FNBP1: variants seen among roughly 807,000 people sequenced by gnomAD.
FNBP1 encodes the protein formin-binding protein 1.
In FNBP1, 26 loss-of-function variants were observed where a neutral mutation model predicts 90.6. That is an observed-to-expected ratio of 0.29 (90% CI 0.21 to 0.40). FNBP1 has a LOEUF of 0.40. FNBP1 is among the 10% of genes least tolerant of loss of function. The probability of loss-of-function intolerance (pLI) is 1.00; values close to 1 mark genes in which losing one functional copy is unlikely to be tolerated. For synonymous variants in FNBP1, 260 were observed against 265.2 expected, an observed-to-expected ratio of 0.98 and a Z score of 0.19; for missense variants, 635 against 768.0, an observed-to-expected ratio of 0.83 and a Z score of 2.05.
At position 130,042,799 on chromosome 9, in the gene FNBP1, G is replaced by A. The variant is rs2059958187; in HGVS notation, c.24+153C>T. ...CCTGCTCGGGCCAAGGCGGACGAGG[G>A]GCATTGGAACCCCGCCTCCTCCCCA... On this transcript the variant is annotated intron_variant, in intron 1 of 16. Transcript: ENST00000446176. This position sits in a 1 kb window ranked among gnomAD's most constrained non-coding sequence, Gnocchi z 5.5. Among the ~76,000 whole-genome samples the A allele has an allele frequency of 2.6e-5, 4 of 151,870 alleles. No individual in the cohort carries two copies. Among genetic ancestry groups the A allele is most frequent in the African/African-American group, 9.6e-5 (4 of 41,498 alleles).
chr9:129,950,407 C>A (rs1316348796), intron 6 of FNBP1, among the ~76,000 whole-genome samples: 3 of 152,162 alleles, frequency 2.0e-5, no homozygotes, highest in Non-Finnish European at 4.4e-5. Context: ...AGTACTAGAT[C>A]TTTGGAAATA....
chr9:130,015,148 C>T (rs958711761), intron 1 of FNBP1, among the ~76,000 whole-genome samples: 3 of 152,066 alleles, frequency 2.0e-5, no homozygotes, highest in Admixed American at 6.6e-5. Flanking sequence ...AAAACACATA[C>T]ACCCATCCAT....
chr9:129,907,657 A>T (rs1588444600), intron 12 of FNBP1, among the ~76,000 whole-genome samples: 1 of 150,834 alleles, frequency 6.6e-6, no homozygotes, highest in East Asian at 1.9e-4. Flanking sequence ...CAGCTGTTTT[A>T]ATGAATGCAC....
intron 4 of FNBP1, among the ~76,000 whole-genome samples, chr9:129,968,078 GC>G (rs1467826204): frequency 1.3e-5 from 2 of 151,630 alleles, no homozygotes; most frequent in Non-Finnish European, 2.9e-5. Flanking sequence ...TGAACAGAAT[GC>G]CACTTTTACA....
rs2052606803 is a variant in FNBP1, at chr9:129,988,333, A to AGG, written c.140+6509_140+6510insCC. Among the ~76,000 whole-genome samples, 13 of 152,256 alleles carry AGG rather than the reference A, an allele frequency of 8.5e-5. 1 individual carries two copies. Among genetic ancestry groups the AGG allele is most frequent in the African/African-American group, 2.9e-4 (12 of 41,550 alleles). Reference sequence around the variant, plus strand: ...GGAATTTCAACCTATACTACCTTGAATAGATAGTGACCTCAGGGGTTGGCA... The same window carrying AGG: ...GGAATTTCAACCTATACTACCTTGAAGGTAGATAGTGACCTCAGGGGTTGGCA... On this transcript the variant is annotated intron_variant, in intron 2 of 16. Coordinates refer to ENST00000446176, the MANE Select transcript of FNBP1 (RefSeq NM_015033.3).
intron 4 of FNBP1, among the ~76,000 whole-genome samples, chr9:129,962,493 C>T (rs2047981962): frequency 6.6e-6 from 1 of 152,160 alleles, no homozygotes; most frequent in African/African-American, 2.4e-5. Flanking sequence ...TTTTCCCGTA[C>T]CTCGTCAGAA....
intron 2 of FNBP1, among the ~76,000 whole-genome samples, chr9:129,986,595 T>C (rs2052299427): frequency 6.6e-6 from 1 of 151,932 alleles, no homozygotes; most frequent in Non-Finnish European, 1.5e-5. Flanking sequence ...ATCGAGACCA[T>C]CCTGGCCAAC....
At chr9:129,946,122 C>T (rs1032030469) in intron 6 of FNBP1, among the ~76,000 whole-genome samples, 16 of 152,018 alleles carry the variant, frequency 1.1e-4, no homozygotes, top group African/African-American at 2.2e-4. Flanking sequence ...TGAGCTGAGA[C>T]GGTGCCACTG....
In FNBP1 at chr9:129,900,229, T is replaced by C. The variant is rs2036645373; in HGVS notation, c.1551-128A>G. ...GCGAGTGCTGTAACTGAGGCCATGG[T>C]AAATCATCGCACGCTCAGATCACCC... On this transcript the variant is annotated intron_variant, in intron 14 of 16. Coordinates refer to ENST00000446176, the MANE Select transcript of FNBP1 (RefSeq NM_015033.3). This position sits in a 1 kb window ranked among gnomAD's most constrained non-coding sequence, Gnocchi z 4.1. 1 of 1,187,474 alleles carries C rather than the reference T, an allele frequency of 8.4e-7. No homozygotes were observed. The highest frequency in any genetic ancestry group is 2.8e-5 in the East Asian group (1 of 36,044). The allele number at this position is 1,187,474 out of a possible 1,614,324, so 73.6% of individuals were successfully genotyped here. A position where few individuals can be genotyped will look rare whatever the true frequency, so the allele number is the denominator to read the frequency against.
chr9:129,895,728 G>C (rs1588338088), intron 16 of FNBP1, 110 bp downstream of exon 16: 18 of 1,399,698 alleles, frequency 1.3e-5, no homozygotes, highest in South Asian at 1.7e-5. Context: ...TATGGTGCTT[G>C]CCAGCCAGTC....
chr9:129,937,171 A>AGG (rs1304959206), intron 6 of FNBP1, among the ~76,000 whole-genome samples: 1 of 11,008 alleles, frequency 9.1e-5, no homozygotes, highest in African/African-American at 1.9e-4. Flanking sequence ...CTCTGTCTCA[A>AGG]GGGGGGGAAA....
chr9:129,973,667 A>ATT (rs745641781), intron 4 of FNBP1, among the ~76,000 whole-genome samples: 5 of 135,304 alleles, frequency 3.7e-5, no homozygotes, highest in Non-Finnish European at 3.2e-5. Context: ...TGCCCGGCTA[A>ATT]TTTTTTTTTT....
chr9:130,036,153 A>G (rs2059292366), intron 1 of FNBP1, among the ~76,000 whole-genome samples: 1 of 152,184 alleles, frequency 6.6e-6, no homozygotes, highest in African/African-American at 2.4e-5. Flanking sequence ...TCTAAAATCT[A>G]ATTAGATTAA....
intron 1 of FNBP1, among the ~76,000 whole-genome samples, chr9:130,035,898 A>G (rs774071032): frequency 1.3e-5 from 2 of 152,186 alleles, no homozygotes; most frequent in Non-Finnish European, 2.9e-5. Flanking sequence ...GTGAGCTGAG[A>G]TCGTGCCATT....
At chr9:129,908,468 G>C (rs1353627945) in intron 12 of FNBP1, among the ~76,000 whole-genome samples, 1 of 150,928 alleles carries the variant, frequency 6.6e-6, no homozygotes, top group East Asian at 1.9e-4. Context: ...GCCTCCCAAA[G>C]TGCTGGGATT....
intron 1 of FNBP1, among the ~76,000 whole-genome samples, chr9:130,023,677 T>TGGAGTG (rs1316954119): frequency 3.5e-4 from 53 of 151,982 alleles, no homozygotes; most frequent in African/African-American, 1.2e-3. Flanking sequence ...CCCCACTCAC[T>TGGAGTG]CCATGTTAGG....
intron 1 of FNBP1, among the ~76,000 whole-genome samples, chr9:130,001,248 C>T (rs1489912256): frequency 3.4e-5 from 5 of 148,830 alleles, no homozygotes; most frequent in African/African-American, 4.9e-5. Context: ...GGGAGAATTG[C>T]TTGAACCCGG....
At chr9:130,011,657 GAACTTCCCAGCCTCC>G (rs2056622002) in intron 1 of FNBP1, among the ~76,000 whole-genome samples, 2 of 152,046 alleles carry the variant, frequency 1.3e-5, no homozygotes, top group African/African-American at 4.8e-5. Context: ...CCTTGATCTT[GAACTTCCCAGCCTCC>G]AAAACTGTGA....
chr9:129,999,824 AT>A (rs2054570909), intron 1 of FNBP1, among the ~76,000 whole-genome samples: 1 of 152,168 alleles, frequency 6.6e-6, no homozygotes. Context: ...ACCGTGTTAC[AT>A]TTTTGCAAAT....
Sources: gnomAD v4.1 joint callset for allele counts (sites outside exome capture counted in the v4.1 genomes callset) on GRCh38, gnomAD v4.1.1 for gene constraint, Gnocchi (gnomAD v3.1) non-coding constraint, MANE v1.5 for transcripts, NCBI Gene and HGNC (gene_info 2026-07-23, HGNC 2026-07-21) for gene names.